The following POU6F2 variants were observed in gnomAD, a reference collection of about 807,000 sequenced individuals.
POU6F2 encodes the protein POU domain, class 6, transcription factor 2.
POU6F2 carries 31 observed loss-of-function variants against 71.3 expected under a neutral mutation model. That is an observed-to-expected ratio of 0.43 (90% CI 0.33 to 0.59). POU6F2 has a LOEUF of 0.59. Among genes scored for constraint, POU6F2 ranks in the 20% least tolerant of loss-of-function variants. POU6F2 has a pLI of 0.04. For missense variants in POU6F2, 783 were observed against 856.8 expected (o/e 0.91, Z 1.07); for synonymous variants, 347 against 355.7 (o/e 0.98, Z 0.27).
chr7:39,120,913 A>G (rs989195609), intron 2 of POU6F2: 3 of 152,186 alleles, frequency 2.0e-5, no homozygotes, highest in Non-Finnish European at 4.4e-5. Context: ...GTAAGCCAGC[A>G]GTATTCTTGG....
intron 2 of POU6F2, among the ~76,000 whole-genome samples, chr7:39,166,649 C>T (rs1793122292): frequency 1.3e-5 from 2 of 152,162 alleles, no homozygotes; most frequent in African/African-American, 4.8e-5. Context: ...CTTGTCCCTA[C>T]CTCTCTAACC....
chr7:39,465,077 A>C lies in POU6F2; in HGVS notation c.*391A>C. ...AACACATTTTAAGGAAAAAGAAAAA[A>C]AAAAACTAAACCAAAAACCAACAAC... On this transcript the variant is annotated 3_prime_UTR_variant, in exon 10 of 10. Transcript: ENST00000518318. 5.8e-6 allele frequency: 1 copy of C among 172,534 alleles called. No individual in the cohort carries two copies. The highest frequency in any genetic ancestry group is 5.6e-5 in the Admixed American group (1 of 17,854). 10.7% of individuals were successfully genotyped at this position (172,534 alleles called of 1,614,324 possible). A position where few individuals can be genotyped will look rare whatever the true frequency, so the allele number is the denominator to read the frequency against.
rs118080333 is a variant in POU6F2, at chr7:39,416,763, A to T, written c.1113+10023A>T. On this transcript the variant is annotated intron_variant, in intron 6 of 9. Coordinates refer to ENST00000518318, the MANE Select transcript of POU6F2 (RefSeq NM_001370959.1). ...AGGAGGAAAGAAAATACCACATTTA[A>T]CAAGTATATCAATTGTTAGAAGTAG... Among the ~76,000 whole-genome samples the T allele has an allele frequency of 1.8e-4, 27 of 152,310 alleles. No homozygotes were observed. The East Asian group carries it at 5.0e-3, about 28-fold the overall frequency.
Position 39,207,474 on chromosome 7 carries a change from T to G in POU6F2, c.452T>G (p.Leu151Arg). 6.2e-7 allele frequency: 1 copy of G among 1,614,004 alleles called. No homozygotes were observed. ...GGPPALNQPI[L>R]IPFNMAGQLG... Reference sequence around the variant, plus strand: ...CCCCCAGCCCTCAACCAGCCAATCCTCATTCCCTTCAACATGGCGGGACAG... The same window carrying G: ...CCCCCAGCCCTCAACCAGCCAATCCGCATTCCCTTCAACATGGCGGGACAG... The change falls in exon 4 of 10, where the codon CTC becomes CGC. Residue 151 changes from leucine to arginine, a missense_variant. Leu to Arg is a moderately radical substitution (Grantham distance 102). This residue lies in a region of POU6F2 where 572 missense variants were observed against 572.9 expected (regional missense o/e 1.00). Transcript: ENST00000518318.
intron 5 of POU6F2, among the ~76,000 whole-genome samples, chr7:39,402,914 TAAAC>T (rs960751397): frequency 1.3e-5 from 2 of 152,218 alleles, no homozygotes; most frequent in African/African-American, 4.8e-5. Context: ...ATGCACAGTA[TAAAC>T]CATCAGAACA....
intron 4 of POU6F2, among the ~76,000 whole-genome samples, chr7:39,256,111 C>G (rs954546316): frequency 1.3e-5 from 2 of 150,916 alleles, no homozygotes; most frequent in Non-Finnish European, 2.9e-5. Context: ...TTTCTCTGTT[C>G]CACATTGAGA....
At chr7:38,994,583 A>C (rs1171133468) in intron 1 of POU6F2, among the ~76,000 whole-genome samples, 1 of 152,138 alleles carries the variant, frequency 6.6e-6, no homozygotes, top group African/African-American at 2.4e-5. Flanking sequence ...TGGTGAGCAG[A>C]GCTGGGGAGA....
chr7:39,423,612 G>A lies in POU6F2; in HGVS notation c.1114-9465G>A, dbSNP rs527395992. On this transcript the variant is annotated intron_variant, in intron 6 of 9. Transcript: ENST00000518318. ...GAAAATGCTGCCACTGTCTATACTG[G>A]CGTACATTTAATATGTAATTATTAA... Among the ~76,000 whole-genome samples, 22 of 152,228 alleles carry A rather than the reference G, an allele frequency of 1.4e-4. No homozygotes were observed. The South Asian group carries it at 3.1e-3, about 22-fold the overall frequency.
At chr7:39,275,364 A>G (rs1011005548) in intron 4 of POU6F2, among the ~76,000 whole-genome samples, 1 of 152,214 alleles carries the variant, frequency 6.6e-6, no homozygotes, top group African/African-American at 2.4e-5. Context: ...GGACCTCTTC[A>G]AGGAGAACTA....
intron 2 of POU6F2, among the ~76,000 whole-genome samples, chr7:39,116,252 G>T (rs978351456): frequency 6.6e-6 from 1 of 152,110 alleles, no homozygotes; most frequent in Non-Finnish European, 1.5e-5. Context: ...GGGCATGGTG[G>T]CATGCACCTG....
intron 4 of POU6F2, among the ~76,000 whole-genome samples, chr7:39,320,454 T>C (rs1785363531): frequency 6.6e-6 from 1 of 152,158 alleles, no homozygotes; most frequent in Non-Finnish European, 1.5e-5. Context: ...AACACATCTC[T>C]CGGTAAAGGG....
intron 2 of POU6F2, among the ~76,000 whole-genome samples, chr7:39,181,231 A>G (rs1463077446): frequency 2.0e-5 from 3 of 152,164 alleles, no homozygotes; most frequent in Non-Finnish European, 4.4e-5. Context: ...CTAACACACC[A>G]TAACTCCTCC....
intron 5 of POU6F2, among the ~76,000 whole-genome samples, chr7:39,340,761 A>G (rs1003151592): frequency 1.3e-3 from 41 of 32,506 alleles, no homozygotes; most frequent in African/African-American, 4.7e-3. Flanking sequence ...TCATATATAT[A>G]TATATATATA....
At chr7:39,397,818 A>G (rs1422687091) in intron 5 of POU6F2, among the ~76,000 whole-genome samples, 2 of 144,644 alleles carry the variant, frequency 1.4e-5, no homozygotes, top group Non-Finnish European at 3.0e-5. Flanking sequence ...TTTTGTGTAT[A>G]TATATATATA....
intron 4 of POU6F2, among the ~76,000 whole-genome samples, chr7:39,276,579 G>A (rs1182098781): frequency 2.6e-5 from 4 of 151,158 alleles, no homozygotes; most frequent in Non-Finnish European, 4.4e-5. Flanking sequence ...TATAAATCAT[G>A]CTGCTATAAA....
rs185071585 is a variant in POU6F2 at position 39,309,021 on chromosome 7, A to G, written c.599-30621A>G. 2.1e-3 allele frequency among the ~76,000 whole-genome samples: 323 copies of G among 152,316 alleles called. 5 individuals are homozygous for G. Among genetic ancestry groups the G allele is most frequent in the African/African-American group, 7.3e-3 (304 of 41,564 alleles). ...CACCTTTATGAGGTTTTCTACACAGATGTTACTGCTCGCAAGCGGCCATTC... is the reference window on the plus strand; with the variant it reads ...CACCTTTATGAGGTTTTCTACACAGGTGTTACTGCTCGCAAGCGGCCATTC... On this transcript the variant is annotated intron_variant, in intron 4 of 9. Coordinates refer to ENST00000518318, the MANE Select transcript of POU6F2 (RefSeq NM_001370959.1).
intron 2 of POU6F2, among the ~76,000 whole-genome samples, chr7:39,114,254 C>T (rs933291275): frequency 2.0e-5 from 3 of 152,134 alleles, no homozygotes; most frequent in Non-Finnish European, 4.4e-5. Flanking sequence ...TCATGATCAT[C>T]ACTTTTCAAC....
intron 4 of POU6F2, among the ~76,000 whole-genome samples, chr7:39,256,339 C>T (rs1181560449): frequency 2.0e-5 from 3 of 152,034 alleles, no homozygotes; most frequent in Admixed American, 6.6e-5. Context: ...ATAGGAAGAC[C>T]GGGGTATCAA....
Position 39,345,344 on chromosome 7 carries a change from C to T in POU6F2, c.972+5329C>T, listed in dbSNP as rs141177773. ...CTAAATGATTTAGTTAGCAAAAATCCGCCAAAGTCAATGACATTCTGTCCA... is the reference window on the plus strand; with the variant it reads ...CTAAATGATTTAGTTAGCAAAAATCTGCCAAAGTCAATGACATTCTGTCCA... On this transcript the variant is annotated intron_variant, in intron 5 of 9. Transcript: ENST00000518318. Among the ~76,000 whole-genome samples the T allele has an allele frequency of 2.6e-4, 39 of 152,240 alleles. 1 individual carries two copies. The South Asian group carries it at 3.3e-3, about 13-fold the overall frequency.
Sources: allele counts gnomAD v4.1 joint callset (sites outside exome capture counted in the v4.1 genomes callset), GRCh38; gene constraint gnomAD v4.1.1; regional missense constraint gnomAD v4.1.1; transcripts MANE v1.5; gene names NCBI Gene and HGNC (gene_info 2026-07-23, HGNC 2026-07-21).